SYNE1: variants seen among roughly 807,000 people sequenced by gnomAD.
SYNE1 encodes the protein nesprin-1.
SYNE1 carries 616 observed loss-of-function variants against 1,111.0 expected under a neutral mutation model. The ratio of observed to expected loss-of-function variants is 0.55; its 90% CI spans 0.52 to 0.59. The LOEUF (loss-of-function observed/expected upper bound fraction) is 0.59. SYNE1 is among the 20% of genes least tolerant of loss of function. The probability of loss-of-function intolerance (pLI) is 0.00; values close to 1 mark genes in which losing one functional copy is unlikely to be tolerated. For missense variants in SYNE1, 10,006 were observed against 10,417.0 expected, an observed-to-expected ratio of 0.96 and a Z score of 1.72; for synonymous variants, 3,855 against 3,825.8, an observed-to-expected ratio of 1.01 and a Z score of -0.28.
chr6:152,191,623 T>G (rs1480402050), intron 127 of SYNE1, among the ~76,000 whole-genome samples: 1 of 152,176 alleles, frequency 6.6e-6, no homozygotes, highest in Non-Finnish European at 1.5e-5. Flanking sequence ...TTGTAATGTC[T>G]CCTTTTTCAT....
Position 152,465,359 on chromosome 6 carries a change from C to A in SYNE1, c.1831G>T (p.Val611Leu), listed in dbSNP as rs1296357917. ...CCATAGCGATCCCAGTTAGAGATCA[C>A]TTCTTCCAGCATGCTCCTCACACTC... Reference protein sequence around the residue: ...VRSVRSMLEEVISNWDRYGNT... With the variant: ...VRSVRSMLEELISNWDRYGNT... The change falls in exon 18 of 146, where the codon GTG (valine) becomes TTG (leucine). Residue 611 changes from valine to leucine, a missense_variant. Around this residue, in one of 7 missense-constraint regions of SYNE1, gnomAD observed 1,971 missense variants for 2,084.1 expected, o/e 0.95. Coordinates refer to ENST00000367255, the MANE Select transcript of SYNE1 (RefSeq NM_182961.4). The A allele has an allele frequency of 6.2e-7, 1 of 1,613,768 alleles. No homozygotes were observed. Among genetic ancestry groups the A allele is most frequent in the Admixed American group, 1.7e-5 (1 of 59,952 alleles).
intron 3 of SYNE1, among the ~76,000 whole-genome samples, chr6:152,582,093 GCCAAATCGTATC>G (rs994790355): frequency 4.2e-4 from 64 of 152,098 alleles, no homozygotes; most frequent in African/African-American, 1.5e-3. Flanking sequence ...GCTTGCTTCT[GCCAAATCGTATC>G]CCCCTCCACC....
Position 152,249,236 on chromosome 6 carries a change from T to A in SYNE1, c.19497A>T (p.Ser6499=). 1 of 1,613,588 alleles carries A rather than the reference T, an allele frequency of 6.2e-7. No homozygotes were observed. Among genetic ancestry groups the A allele is most frequent in the Non-Finnish European group, 8.5e-7 (1 of 1,179,510 alleles). The part of the protein sequence containing the change: ...FQNDLKVLFT[S]LADNKYIILQ... ...GAATGATGTATTTGTTGTCAGCCAG[T>A]GATGTAAACAGCACTTTCAGATCAT... Residue 6499 remains serine (S), a synonymous_variant, in exon 105 of 146, where the codon TCA becomes TCT. Transcript: ENST00000367255.
intron 10 of SYNE1, among the ~76,000 whole-genome samples, chr6:152,501,286 A>C (rs1218548976): frequency 6.6e-6 from 1 of 152,194 alleles, no homozygotes; most frequent in Non-Finnish European, 1.5e-5. Flanking sequence ...TTAAAAAAAC[A>C]GGAAAACAGG....
At chr6:152,428,461 C>T (rs1038012169) in intron 36 of SYNE1, 69 bp from the exon 37 acceptor site, 1 of 1,469,526 alleles carries the variant, frequency 6.8e-7, no homozygotes, top group Admixed American at 1.7e-5. Flanking sequence ...TTCTTTGACA[C>T]CGATCATCGC....
chr6:152,203,238 A>AT (rs960288628), intron 126 of SYNE1, among the ~76,000 whole-genome samples: 1 of 152,174 alleles, frequency 6.6e-6, no homozygotes, highest in African/African-American at 2.4e-5. Context: ...GACACACGTA[A>AT]TTTTTTTGTA....
chr6:152,329,544 A>G lies in SYNE1; in HGVS notation c.14955+186T>C, dbSNP rs193248343. On this transcript the variant is annotated intron_variant, in intron 78 of 145. Coordinates refer to ENST00000367255, the MANE Select transcript of SYNE1 (RefSeq NM_182961.4). ...TTCGTCTCAAAAAAACCCAAAAAACAAAACAAAACAAAACAAAACGAAAAA... is the reference window on the plus strand; with the variant it reads ...TTCGTCTCAAAAAAACCCAAAAAACGAAACAAAACAAAACAAAACGAAAAA... Among the ~76,000 whole-genome samples, 257 of 152,246 alleles carry G rather than the reference A, an allele frequency of 1.7e-3. 1 individual carries two copies. The highest frequency in any genetic ancestry group is 1.3e-3 in the Non-Finnish European group (87 of 68,020).
intron 33 of SYNE1, chr6:152,435,227 T>A (rs545541226): frequency 2.0e-5 from 3 of 152,266 alleles, no homozygotes; most frequent in Non-Finnish European, 4.4e-5. Context: ...AATATGCTAT[T>A]ATGTATCATT....
At chr6:152,179,673 CTT>C (rs796260764) in intron 129 of SYNE1, among the ~76,000 whole-genome samples, 23 of 55,102 alleles carry the variant, frequency 4.2e-4, no homozygotes, top group Admixed American at 1.5e-3. Context: ...GCTGGATATC[CTT>C]TTTTTTTTTT....
At chr6:152,187,714 A>G (rs1226064086) in intron 128 of SYNE1, among the ~76,000 whole-genome samples, 1 of 131,206 alleles carries the variant, frequency 7.6e-6, no homozygotes, top group African/African-American at 3.0e-5. Context: ...AAATCTTTAT[A>G]CAGTTTGTGT....
chr6:152,279,784 C>T (rs1392674824), intron 97 of SYNE1, among the ~76,000 whole-genome samples: 1 of 148,100 alleles, frequency 6.8e-6, no homozygotes, highest in Non-Finnish European at 1.5e-5. Flanking sequence ...AAGAGTAATA[C>T]TTTTATTAAA....
rs1241486044 is a variant in SYNE1 at position 152,511,114 on chromosome 6, A to C, written c.310-11T>G. 2 of 1,608,256 alleles carry C rather than the reference A, an allele frequency of 1.2e-6. No homozygotes were observed. Among genetic ancestry groups the C allele is most frequent in the Admixed American group, 3.3e-5 (2 of 59,996 alleles). ...GTTGACTAATTTAATCTGTTTAAAA[A>C]AGAGAAACTGTACTAGTAATGTACT... On this transcript the variant is annotated splice_polypyrimidine_tract_variant and intron_variant, in intron 6 of 145. Transcript: ENST00000367255.
chr6:152,291,355 G>A (rs1041383475), intron 95 of SYNE1, among the ~76,000 whole-genome samples: 11 of 151,114 alleles, frequency 7.3e-5, no homozygotes, highest in Non-Finnish European at 1.5e-5. Flanking sequence ...CACTAAATTA[G>A]CTGTACCTCC....
intron 58 of SYNE1, among the ~76,000 whole-genome samples, chr6:152,373,687 T>C (rs1322686492): frequency 6.6e-6 from 1 of 151,636 alleles, no homozygotes; most frequent in Non-Finnish European, 1.5e-5. Flanking sequence ...CTACTTTATT[T>C]ACCAATCTAA....
chr6:152,519,497 A>T (rs984646030), intron 6 of SYNE1, among the ~76,000 whole-genome samples: 4 of 152,220 alleles, frequency 2.6e-5, no homozygotes, highest in Non-Finnish European at 5.9e-5. Context: ...TATAATGATG[A>T]ATTTTAACTA....
At chr6:152,224,263 A>AC (rs1377936414) in intron 117 of SYNE1, among the ~76,000 whole-genome samples, 1 of 152,222 alleles carries the variant, frequency 6.6e-6, no homozygotes, top group East Asian at 1.9e-4. Context: ...TTTTTTTACA[A>AC]CAGGATCTTG....
chr6:152,629,695 A>G (rs1453761222), intron 2 of SYNE1, among the ~76,000 whole-genome samples: 1 of 152,098 alleles, frequency 6.6e-6, no homozygotes. Flanking sequence ...TTAGACAGAA[A>G]GAAGAGGGGG....
At chr6:152,384,927 A>T (rs2154122713) in intron 55 of SYNE1, among the ~76,000 whole-genome samples, 1 of 152,142 alleles carries the variant, frequency 6.6e-6, no homozygotes, top group East Asian at 1.9e-4. Context: ...AATTGTAACC[A>T]TCAGCTATAA....
chr6:152,380,146 C>G (rs965288762), intron 56 of SYNE1, among the ~76,000 whole-genome samples: 1 of 152,158 alleles, frequency 6.6e-6, no homozygotes, highest in Non-Finnish European at 1.5e-5. Context: ...TTATGGCATG[C>G]TGCATTTGTT....
Sources: allele counts gnomAD v4.1 joint callset (sites outside exome capture counted in the v4.1 genomes callset), GRCh38; gene constraint gnomAD v4.1.1; regional missense constraint gnomAD v4.1.1; transcripts MANE v1.5; gene names NCBI Gene and HGNC (gene_info 2026-07-23, HGNC 2026-07-21).